The following AGBL4 variants were observed in gnomAD, a reference collection of about 807,000 sequenced individuals.
The protein encoded by AGBL4 is cytosolic carboxypeptidase 6.
A neutral mutation model predicts 66.4 loss-of-function variants in AGBL4; 58 were observed. The observed-to-expected ratio is 0.87, with a 90% CI of 0.71 to 1.09. AGBL4 has a LOEUF of 1.09. Ranked by LOEUF, AGBL4 falls within the 50% of genes least tolerant of loss-of-function variation. The pLI is 0.00. For synonymous variants in AGBL4, 234 were observed against 222.9 expected (o/e 1.05, Z -0.44); for missense variants, 579 against 631.0 (o/e 0.92, Z 0.88).
rs189587409 is a variant in AGBL4, at chr1:49,772,373, T to G, written c.158-74936A>C. 1.6e-3 allele frequency among the ~76,000 whole-genome samples: 240 copies of G among 152,298 alleles called. 1 individual carries two copies. Among genetic ancestry groups the G allele is most frequent in the African/African-American group, 4.9e-3 (205 of 41,592 alleles). On this transcript the variant is annotated intron_variant, in intron 2 of 13. Transcript: ENST00000371839. ...ATTGATGTTTTTGACCTTTGTAGCT[T>G]TAAACCTTCATTAGAGGTTTGAAGG...
intron 1 of AGBL4, among the ~76,000 whole-genome samples, chr1:49,986,946 T>C (rs1184442287): frequency 6.6e-6 from 1 of 152,066 alleles, no homozygotes; most frequent in East Asian, 1.9e-4. Flanking sequence ...AGTAAGAAAA[T>C]ATTTGTGTGA....
chr1:49,881,729 G>T (rs1647344449), intron 1 of AGBL4, among the ~76,000 whole-genome samples: 2 of 150,844 alleles, frequency 1.3e-5, no homozygotes, highest in South Asian at 4.2e-4. Flanking sequence ...CTTTTTGATG[G>T]GGTTGTTTGT....
intron 6 of AGBL4, among the ~76,000 whole-genome samples, chr1:48,844,202 TCTC>T (rs1389166489): frequency 1.3e-5 from 2 of 152,152 alleles, no homozygotes; most frequent in Non-Finnish European, 2.9e-5. Flanking sequence ...ATCTTTAACA[TCTC>T]CTCCTCTGCT....
At chr1:49,581,167 C>G (rs1472147053) in intron 3 of AGBL4, among the ~76,000 whole-genome samples, 2 of 151,876 alleles carry the variant, frequency 1.3e-5, no homozygotes, top group Non-Finnish European at 1.5e-5. Flanking sequence ...ATATTTACTT[C>G]AATGATATTT....
At chr1:48,996,809 T>TCCTTCCTC (rs1353632489) in intron 5 of AGBL4, among the ~76,000 whole-genome samples, 3 of 122,472 alleles carry the variant, frequency 2.4e-5, no homozygotes, top group Non-Finnish European at 3.7e-5. Flanking sequence ...GGAATTTCCT[T>TCCTTCCTC]CCTTCCTCCC....
At chr1:48,535,545 T>C (rs1643955746) in intron 12 of AGBL4, among the ~76,000 whole-genome samples, 1 of 152,186 alleles carries the variant, frequency 6.6e-6, no homozygotes, top group Non-Finnish European at 1.5e-5. Context: ...TGACTAGAAA[T>C]GAACTTTCTG....
In AGBL4 at chr1:50,023,843, G is replaced by C. The variant is rs1557667926; in HGVS notation, c.-47C>G. 6.5e-7 allele frequency: 1 copy of C among 1,538,668 alleles called. No homozygotes were observed. Among genetic ancestry groups the C allele is most frequent in the South Asian group, 1.2e-5 (1 of 82,620 alleles). ...GAGCTCACGCGAAGACCGCGGGGCA[G>C]TAGGGAGCGGGTGGTGGGATCAGTG... On this transcript the variant is annotated 5_prime_UTR_variant, in exon 1 of 14. Coordinates refer to ENST00000371839, the MANE Select transcript of AGBL4 (RefSeq NM_032785.4).
intron 9 of AGBL4, among the ~76,000 whole-genome samples, chr1:48,599,931 G>A (rs956934066): frequency 1.1e-4 from 16 of 152,180 alleles, no homozygotes; most frequent in African/African-American, 2.7e-4. Context: ...AGCGTGGACC[G>A]AGAGGAGGTC....
intron 9 of AGBL4, among the ~76,000 whole-genome samples, chr1:48,621,381 A>T (rs949342657): frequency 4.6e-5 from 7 of 151,952 alleles, no homozygotes; most frequent in African/African-American, 1.7e-4. Context: ...CAGGCAATGG[A>T]CTCTAATGAG....
At chr1:49,464,864 A>G (rs1043357225) in intron 3 of AGBL4, among the ~76,000 whole-genome samples, 2 of 151,670 alleles carry the variant, frequency 1.3e-5, no homozygotes, top group African/African-American at 2.4e-5. Context: ...GAGAGAAACT[A>G]TGACAAAACT....
At chr1:49,588,755 C>T (rs1194922868) in intron 3 of AGBL4, among the ~76,000 whole-genome samples, 1 of 152,092 alleles carries the variant, frequency 6.6e-6, no homozygotes, top group Non-Finnish European at 1.5e-5. Context: ...TCATAATGGA[C>T]AAAATATAAT....
chr1:49,680,186 G>A (rs1217452336), intron 3 of AGBL4, among the ~76,000 whole-genome samples: 3 of 151,174 alleles, frequency 2.0e-5, no homozygotes, highest in African/African-American at 7.3e-5. Flanking sequence ...GAGTAGCTGG[G>A]ACTACAGGCA....
At chr1:48,560,736 T>C (rs1353613436) in intron 11 of AGBL4, among the ~76,000 whole-genome samples, 1 of 152,220 alleles carries the variant, frequency 6.6e-6, no homozygotes, top group Non-Finnish European at 1.5e-5. Context: ...CTCAACTTTA[T>C]GCAACCAACA....
At chr1:48,705,698 T>G (rs1430669433) in intron 6 of AGBL4, among the ~76,000 whole-genome samples, 3 of 152,220 alleles carry the variant, frequency 2.0e-5, no homozygotes, top group Non-Finnish European at 4.4e-5. Context: ...CACAGTAATG[T>G]TAAAAATTAA....
intron 1 of AGBL4, among the ~76,000 whole-genome samples, chr1:49,874,238 T>C (rs1332756982): frequency 6.6e-6 from 1 of 152,142 alleles, no homozygotes; most frequent in Non-Finnish European, 1.5e-5. Context: ...TTATTAAAAC[T>C]ATAAAACTTC....
At chr1:48,534,777 C>G in intron 13 of AGBL4, 113 bp downstream of exon 13, 1 of 1,140,472 alleles carries the variant, frequency 8.8e-7, no homozygotes, top group Non-Finnish European at 1.3e-6. Context: ...AATCCACATT[C>G]ATTGAAGAGC....
chr1:49,528,866 G>A (rs1385008376), intron 3 of AGBL4, among the ~76,000 whole-genome samples: 1 of 152,080 alleles, frequency 6.6e-6, no homozygotes, highest in Non-Finnish European at 1.5e-5. Flanking sequence ...GTTCTTTACG[G>A]TTGGAGCTGT....
intron 11 of AGBL4, among the ~76,000 whole-genome samples, chr1:48,552,077 T>C (rs1045179477): frequency 1.3e-5 from 2 of 152,216 alleles, no homozygotes; most frequent in African/African-American, 4.8e-5. Flanking sequence ...CATTCATTTA[T>C]TTTTGAGATG....
At chr1:49,169,342 AACT>A (rs1646690877) in intron 4 of AGBL4, among the ~76,000 whole-genome samples, 1 of 152,194 alleles carries the variant, frequency 6.6e-6, no homozygotes, top group Non-Finnish European at 1.5e-5. Flanking sequence ...TCTGTATAAC[AACT>A]GGATTATTCC....
Sources: gnomAD v4.1 joint callset for allele counts (sites outside exome capture counted in the v4.1 genomes callset) on GRCh38, gnomAD v4.1.1 for gene constraint, MANE v1.5 for transcripts, NCBI Gene and HGNC (gene_info 2026-07-23, HGNC 2026-07-21) for gene names.